The following KCNN2 variants were observed in gnomAD, a reference collection of about 807,000 sequenced individuals.
KCNN2 encodes the protein potassium calcium-activated channel subfamily N member 2, also known as small conductance calcium-activated potassium channel protein 2.
In KCNN2, 24 loss-of-function variants were observed where a neutral mutation model predicts 55.5. The observed-to-expected ratio is 0.43, with a 90% CI of 0.31 to 0.61. The LOEUF (loss-of-function observed/expected upper bound fraction) is 0.61. Among genes scored for constraint, KCNN2 ranks in the 20% least tolerant of loss-of-function variants. The pLI, the probability that KCNN2 is intolerant of heterozygous loss-of-function variation, is 0.08. For synonymous variants in KCNN2, 431 were observed against 336.1 expected, an observed-to-expected ratio of 1.28 and a Z score of -3.09; for missense variants, 754 against 853.6, an observed-to-expected ratio of 0.88 and a Z score of 1.45.
intron 2 of KCNN2, among the ~76,000 whole-genome samples, chr5:114,242,481 G>T (rs1754665588): frequency 6.6e-6 from 1 of 152,140 alleles, no homozygotes; most frequent in South Asian, 2.1e-4. Context: ...ATTTATATAA[G>T]CATTGTTTAT....
chr5:114,328,603 T>C (rs1756752565), intron 2 of KCNN2, among the ~76,000 whole-genome samples: 1 of 152,110 alleles, frequency 6.6e-6, no homozygotes, highest in African/African-American at 2.4e-5. Flanking sequence ...GACGGTTGTT[T>C]ATAGGTATGA....
intron 1 of KCNN2, among the ~76,000 whole-genome samples, chr5:114,160,336 A>C (rs1337313722): frequency 6.6e-6 from 1 of 152,054 alleles, no homozygotes; most frequent in African/African-American, 2.4e-5. Context: ...CTTATTCCTG[A>C]GTTCTAGTTT....
chr5:114,409,398 C>A (rs1759051767), intron 3 of KCNN2, among the ~76,000 whole-genome samples: 3 of 152,040 alleles, frequency 2.0e-5, no homozygotes, highest in African/African-American at 7.2e-5. Context: ...CTTACGCTTC[C>A]TTGATAATTA....
chr5:114,154,756 T>C (rs951735240), intron 1 of KCNN2, among the ~76,000 whole-genome samples: 1 of 152,126 alleles, frequency 6.6e-6, no homozygotes, highest in Non-Finnish European at 1.5e-5. Context: ...ATGGTATCTC[T>C]AGACCACCCC....
intron 2 of KCNN2, among the ~76,000 whole-genome samples, chr5:114,349,792 T>C (rs571765471): frequency 2.0e-5 from 3 of 152,170 alleles, no homozygotes; most frequent in South Asian, 4.1e-4. Context: ...TTGAGTAAAA[T>C]GGTATGTTTA....
At chr5:114,285,314 A>C (rs1389123633) in intron 2 of KCNN2, among the ~76,000 whole-genome samples, 1 of 148,552 alleles carries the variant, frequency 6.7e-6, no homozygotes, top group Non-Finnish European at 1.5e-5. Context: ...AAAGAGAGAC[A>C]GTTGGCAAAA....
chr5:114,318,716 G>A (rs959823856), intron 2 of KCNN2, among the ~76,000 whole-genome samples: 1 of 151,666 alleles, frequency 6.6e-6, no homozygotes, highest in Non-Finnish European at 1.5e-5. Flanking sequence ...ATTTACTCAG[G>A]GTTCACTGAC....
chr5:114,096,759 C>T (rs1211069461), intron 1 of KCNN2, among the ~76,000 whole-genome samples: 1 of 152,160 alleles, frequency 6.6e-6, no homozygotes, highest in African/African-American at 2.4e-5. Context: ...GACTCTGCCA[C>T]AGAAACCCTG....
intron 1 of KCNN2, among the ~76,000 whole-genome samples, chr5:114,213,663 T>C (rs1243610871): frequency 6.6e-6 from 1 of 152,064 alleles, no homozygotes; most frequent in Non-Finnish European, 1.5e-5. Flanking sequence ...CTAAGTCTGT[T>C]GTTATGATCT....
chr5:114,231,902 A>G (rs1484281380), intron 2 of KCNN2, among the ~76,000 whole-genome samples: 1 of 150,634 alleles, frequency 6.6e-6, no homozygotes, highest in Non-Finnish European at 1.5e-5. Flanking sequence ...TGTTACAGGT[A>G]GACAGATCTG....
intron 2 of KCNN2, among the ~76,000 whole-genome samples, chr5:114,338,329 A>C (rs1756957036): frequency 6.6e-6 from 1 of 152,226 alleles, no homozygotes; most frequent in Non-Finnish European, 1.5e-5. Context: ...CTAAATATGT[A>C]CACGTATGTA....
At chr5:114,401,474 A>C (rs765162413) in intron 2 of KCNN2, among the ~76,000 whole-genome samples, 2 of 152,194 alleles carry the variant, frequency 1.3e-5, no homozygotes, top group Non-Finnish European at 2.9e-5. Flanking sequence ...GAGAAATAAC[A>C]AGGAAGTTTA....
At chr5:114,114,373 A>C (rs1299853378) in intron 1 of KCNN2, among the ~76,000 whole-genome samples, 4 of 151,990 alleles carry the variant, frequency 2.6e-5, no homozygotes, top group Admixed American at 2.6e-4. Context: ...GATGATAGTC[A>C]TGCACCACTA....
At chr5:114,324,986 G>C (rs770246174) in intron 2 of KCNN2, among the ~76,000 whole-genome samples, 13 of 152,210 alleles carry the variant, frequency 8.5e-5, no homozygotes, top group Non-Finnish European at 1.8e-4. Context: ...TAAAAGCACT[G>C]TTGGTGATAG....
At chr5:114,261,655 A>G (rs1481745109) in intron 2 of KCNN2, among the ~76,000 whole-genome samples, 1 of 152,184 alleles carries the variant, frequency 6.6e-6, no homozygotes, top group African/African-American at 2.4e-5. Flanking sequence ...ACTATTAATC[A>G]TGAGGTTGTG....
At chr5:114,417,752 T>C (rs1458870679) in intron 3 of KCNN2, among the ~76,000 whole-genome samples, 1 of 152,192 alleles carries the variant, frequency 6.6e-6, no homozygotes, top group Middle Eastern at 3.2e-3. Context: ...GGTTAGGAGA[T>C]GAGTTCCCTC....
At chr5:114,390,124 G>T (rs991077741) in intron 2 of KCNN2, among the ~76,000 whole-genome samples, 1 of 152,060 alleles carries the variant, frequency 6.6e-6, no homozygotes, top group African/African-American at 2.4e-5. Context: ...ATACATTTTA[G>T]CAATGTAGCA....
chr5:114,396,177 A>G (rs1758611142), intron 2 of KCNN2, among the ~76,000 whole-genome samples: 2 of 152,014 alleles, frequency 1.3e-5, no homozygotes, highest in Non-Finnish European at 2.9e-5. Context: ...TATTGCTCCC[A>G]CATCCAGCCC....
intron 3 of KCNN2, among the ~76,000 whole-genome samples, chr5:114,418,245 G>A (rs1357736526): frequency 6.6e-6 from 1 of 152,158 alleles, no homozygotes; most frequent in South Asian, 2.1e-4. Context: ...AAGGAAATCT[G>A]CATTAATTTA....
Sources: allele counts gnomAD v4.1 joint callset (sites outside exome capture counted in the v4.1 genomes callset), GRCh38; gene constraint gnomAD v4.1.1; transcripts MANE v1.5; gene names NCBI Gene and HGNC (gene_info 2026-07-23, HGNC 2026-07-21).